Variants in RNGTT observed in about 807,000 individuals in gnomAD.
The protein encoded by RNGTT is RNA guanylyltransferase and 5'-phosphatase, also known as mRNA-capping enzyme.
In RNGTT, 33 loss-of-function variants were observed where a neutral mutation model predicts 79.3. The ratio of observed to expected loss-of-function variants is 0.42; its 90% CI spans 0.32 to 0.56. The LOEUF is 0.56. Among genes scored for constraint, RNGTT ranks in the 20% least tolerant of loss-of-function variants. The probability of loss-of-function intolerance (pLI) is 0.17; values close to 1 mark genes in which losing one functional copy is unlikely to be tolerated. For synonymous variants in RNGTT, 222 were observed against 235.9 expected, an observed-to-expected ratio of 0.94 and a Z score of 0.54; for missense variants, 497 against 739.1, an observed-to-expected ratio of 0.67 and a Z score of 3.80.
In RNGTT at chr6:88,775,929, T is replaced by C. The variant is rs902685121; in HGVS notation, c.1339-6055A>G. On this transcript the variant is annotated intron_variant, in intron 12 of 15. Transcript: ENST00000369485. ...GCATAAATATACCATAATTTCTTAATTCATTGACCCACTGAAGGACATTTA... is the reference window on the plus strand; with the variant it reads ...GCATAAATATACCATAATTTCTTAACTCATTGACCCACTGAAGGACATTTA... Among the ~76,000 whole-genome samples the C allele has an allele frequency of 1.8e-4, 27 of 152,210 alleles. 1 individual carries two copies. The highest frequency in any genetic ancestry group is 5.9e-5 in the Non-Finnish European group (4 of 68,038).
intron 12 of RNGTT, among the ~76,000 whole-genome samples, chr6:88,789,034 G>C (rs1232973886): frequency 1.3e-5 from 2 of 152,158 alleles, no homozygotes; most frequent in East Asian, 3.8e-4. Flanking sequence ...TTTCTCCTAA[G>C]CTGGTTTTTG....
At chr6:88,882,813 C>A (rs1040747069) in intron 8 of RNGTT, among the ~76,000 whole-genome samples, 1 of 152,192 alleles carries the variant, frequency 6.6e-6, no homozygotes, top group African/African-American at 2.4e-5. Context: ...GATGCAGCAA[C>A]AAGGCATCAT....
intron 4 of RNGTT, among the ~76,000 whole-genome samples, chr6:88,910,109 A>G (rs1443954150): frequency 6.6e-6 from 1 of 152,186 alleles, no homozygotes; most frequent in East Asian, 1.9e-4. Context: ...AGGATTGCAT[A>G]TACTCCCTAG....
intron 14 of RNGTT, among the ~76,000 whole-genome samples, chr6:88,650,017 G>A (rs914606016): frequency 1.8e-4 from 28 of 151,992 alleles, no homozygotes; most frequent in Non-Finnish European, 3.4e-4. Context: ...TGATTAGATC[G>A]TTCAAACCAG....
chr6:88,907,791 G>C (rs1783704645), intron 4 of RNGTT, among the ~76,000 whole-genome samples: 1 of 143,436 alleles, frequency 7.0e-6, no homozygotes, highest in Non-Finnish European at 1.5e-5. Flanking sequence ...CCAGGCTGGA[G>C]TTCAGTAGCA....
intron 14 of RNGTT, among the ~76,000 whole-genome samples, chr6:88,651,937 G>A (rs1478170185): frequency 1.3e-5 from 2 of 152,044 alleles, no homozygotes; most frequent in Non-Finnish European, 2.9e-5. Flanking sequence ...TTTTAAAAGA[G>A]TATGTATGTA....
At chr6:88,650,149 A>G (rs1303430069) in intron 14 of RNGTT, among the ~76,000 whole-genome samples, 1 of 152,202 alleles carries the variant, frequency 6.6e-6, no homozygotes, top group East Asian at 1.9e-4. Flanking sequence ...CATCACTAAT[A>G]GTAACTTTTC....
intron 13 of RNGTT, among the ~76,000 whole-genome samples, chr6:88,686,685 T>C (rs1260928508): frequency 6.6e-6 from 1 of 152,124 alleles, no homozygotes; most frequent in Non-Finnish European, 1.5e-5. Context: ...ATAATCTTTC[T>C]AATAAATAGT....
intron 14 of RNGTT, among the ~76,000 whole-genome samples, chr6:88,651,603 A>G (rs905947271): frequency 1.3e-5 from 2 of 152,034 alleles, no homozygotes; most frequent in African/African-American, 4.8e-5. Flanking sequence ...TAAAATGCTG[A>G]CAAAGAAAAA....
chr6:88,895,500 G>C (rs928219349), intron 6 of RNGTT, among the ~76,000 whole-genome samples: 1 of 152,038 alleles, frequency 6.6e-6, no homozygotes, highest in African/African-American at 2.4e-5. Context: ...ATGTGCCACA[G>C]TTATAAACCC....
At chr6:88,945,468 T>C (rs1365859146) in intron 1 of RNGTT, among the ~76,000 whole-genome samples, 2 of 152,224 alleles carry the variant, frequency 1.3e-5, no homozygotes, top group East Asian at 3.8e-4. Flanking sequence ...CAAACTCTTG[T>C]TAGTTTCAAT....
chr6:88,932,838 A>T (rs1363155214), intron 2 of RNGTT, among the ~76,000 whole-genome samples: 1 of 152,092 alleles, frequency 6.6e-6, no homozygotes, highest in Non-Finnish European at 1.5e-5. Flanking sequence ...CGCACACCTA[A>T]ACTGAGGCTA....
At chr6:88,782,948 T>C (rs545702947) in intron 12 of RNGTT, among the ~76,000 whole-genome samples, 1 of 152,166 alleles carries the variant, frequency 6.6e-6, no homozygotes, top group African/African-American at 2.4e-5. Context: ...TCGGTGAGAA[T>C]GTAAATTGGT....
intron 10 of RNGTT, among the ~76,000 whole-genome samples, chr6:88,846,020 C>CCCTCCTGTTAA (rs1781472006): frequency 6.6e-6 from 1 of 150,526 alleles, no homozygotes; most frequent in Non-Finnish European, 1.5e-5. Context: ...AAAAGTCTAA[C>CCCTCCTGTTAA]AACTGTTAAA....
chr6:88,619,893 C>T (rs535788698), intron 14 of RNGTT, among the ~76,000 whole-genome samples: 6 of 152,256 alleles, frequency 3.9e-5, no homozygotes, highest in African/African-American at 1.2e-4. Context: ...AAGTTTTCCA[C>T]GTGGTGTCAC....
At chr6:88,756,907 T>C (rs376964156) in intron 13 of RNGTT, among the ~76,000 whole-genome samples, 1 of 152,294 alleles carries the variant, frequency 6.6e-6, no homozygotes, top group South Asian at 2.1e-4. Context: ...GTGAAGGTTA[T>C]TAGCTTTTTA....
chr6:88,815,372 T>G (rs1780282631), intron 11 of RNGTT, among the ~76,000 whole-genome samples: 1 of 152,206 alleles, frequency 6.6e-6, no homozygotes, highest in Non-Finnish European at 1.5e-5. Flanking sequence ...TTAGTATGTA[T>G]CCTTTCATTA....
intron 11 of RNGTT, among the ~76,000 whole-genome samples, chr6:88,824,748 CTT>C (rs59203172): frequency 0.13 from 17,951 of 135,712 alleles, 1,025 homozygotes; most frequent in Middle Eastern, 0.23. Context: ...CGTTTGTTTT[CTT>C]TTTTTTTTTT....
At chr6:88,776,255 A>G (rs1778875098) in intron 12 of RNGTT, among the ~76,000 whole-genome samples, 1 of 151,608 alleles carries the variant, frequency 6.6e-6, no homozygotes, top group Non-Finnish European at 1.5e-5. Flanking sequence ...TAATATCTCA[A>G]TGACGTTTTA....
Sources: gnomAD v4.1 joint callset for allele counts (sites outside exome capture counted in the v4.1 genomes callset) on GRCh38, gnomAD v4.1.1 for gene constraint, MANE v1.5 for transcripts, NCBI Gene and HGNC (gene_info 2026-07-23, HGNC 2026-07-21) for gene names.